The following ABR variants were observed in gnomAD, a reference collection of about 807,000 sequenced individuals.
ABR encodes the protein active breakpoint cluster region-related protein.
ABR carries 35 observed loss-of-function variants against 107.2 expected under a neutral mutation model. The observed-to-expected ratio is 0.33, with a 90% confidence interval of 0.25 to 0.43. The LOEUF is 0.43. ABR is among the 20% of genes least tolerant of loss of function. ABR has a pLI of 1.00. For missense variants in ABR, 815 were observed against 1,115.2 expected (o/e 0.73, Z 3.83); for synonymous variants, 498 against 462.0 (o/e 1.08, Z -1.00).
chr17:1,079,178 A>T, intron 6 of ABR, 152 bp downstream of exon 6: 2 of 1,467,830 alleles, frequency 1.4e-6, no homozygotes, highest in Non-Finnish European at 1.8e-6. Flanking sequence ...ACGCGCACTC[A>T]GCTCACACTC....
At chr17:1,036,758 C>T (rs1427619357) in intron 16 of ABR, among the ~76,000 whole-genome samples, 3 of 152,130 alleles carry the variant, frequency 2.0e-5, no homozygotes, top group Admixed American at 6.5e-5. Flanking sequence ...TGCATTCTTA[C>T]TGTGTGTTCT....
Position 1,079,313 on chromosome 17 carries a change from C to T in ABR, c.700+17G>A, listed in dbSNP as rs778719267. On this transcript the variant is annotated intron_variant, in intron 6 of 22. Coordinates refer to ENST00000302538, the MANE Select transcript of ABR (RefSeq NM_021962.5). Reference sequence around the variant, plus strand: ...ACAAAGGTAGGTGCCTGTAATCCAGCCCGCTCCCCGAGGTACCTTCCATGG... The same window carrying T: ...ACAAAGGTAGGTGCCTGTAATCCAGTCCGCTCCCCGAGGTACCTTCCATGG... The T allele has an allele frequency of 2.5e-6, 4 of 1,611,880 alleles. No homozygotes were observed. Among genetic ancestry groups the T allele is most frequent in the South Asian group, 2.2e-5 (2 of 90,616 alleles).
At chr17:1,121,370 GT>G (rs2039339653) in intron 2 of ABR, among the ~76,000 whole-genome samples, 1 of 152,268 alleles carries the variant, frequency 6.6e-6, no homozygotes, top group Non-Finnish European at 1.5e-5. Context: ...GGTCTTTGCA[GT>G]GGTAATGCTG....
At chr17:1,056,198 G>A in intron 13 of ABR, 89 bp from the exon 14 acceptor site, 6 of 1,140,700 alleles carry the variant, frequency 5.3e-6, no homozygotes, top group Non-Finnish European at 7.9e-6. Context: ...GACGGGGTAT[G>A]AGACTCAGCT....
chr17:1,119,865 G>A (rs2039268814), intron 2 of ABR, among the ~76,000 whole-genome samples: 1 of 152,198 alleles, frequency 6.6e-6, no homozygotes, highest in Non-Finnish European at 1.5e-5. Context: ...CTGGCTGCAT[G>A]GTCTTGGACA....
chr17:1,104,089 A>G (rs1273645633), intron 2 of ABR, among the ~76,000 whole-genome samples: 1 of 152,076 alleles, frequency 6.6e-6, no homozygotes, highest in East Asian at 1.9e-4. Context: ...CGAGTTCTCT[A>G]AAGAGTTCCA....
intron 16 of ABR, among the ~76,000 whole-genome samples, chr17:1,018,521 G>A (rs1338318154): frequency 2.0e-5 from 3 of 152,122 alleles, no homozygotes; most frequent in East Asian, 3.9e-4. Flanking sequence ...AGCTTCCCAC[G>A]ACTGGGTGCC....
intron 1 of ABR, chr17:1,177,967 G>A (rs561147703): frequency 1.4e-4 from 21 of 152,474 alleles, no homozygotes; most frequent in Middle Eastern, 3.4e-3. Flanking sequence ...ATGGAGCGGC[G>A]GCACCTGGCA....
intron 12 of ABR, 45 bp downstream of exon 12, chr17:1,057,925 A>G (rs987695275): frequency 6.4e-7 from 1 of 1,559,880 alleles, no homozygotes; most frequent in Non-Finnish European, 8.8e-7. Context: ...AGGCCCATCA[A>G]TGCCACGGAC....
At chr17:1,032,944 C>T (rs1449341054) in intron 16 of ABR, among the ~76,000 whole-genome samples, 2 of 152,216 alleles carry the variant, frequency 1.3e-5, no homozygotes, top group Admixed American at 1.3e-4. Context: ...GCATGTGAGC[C>T]TCACATTCTT....
chr17:1,031,870 C>A, intron 16 of ABR: 4 of 1,196,466 alleles, frequency 3.3e-6, no homozygotes, highest in Non-Finnish European at 4.1e-6. Context: ...CCCTCCCTCC[C>A]CGCGCTCCCC....
At chr17:1,094,788 G>A (rs2037289374) in intron 3 of ABR, among the ~76,000 whole-genome samples, 1 of 152,168 alleles carries the variant, frequency 6.6e-6, no homozygotes, top group Non-Finnish European at 1.5e-5. Flanking sequence ...GAGTAGCCTG[G>A]AGGGCTGCAT....
At chr17:1,064,492 A>G (rs71358528) in intron 10 of ABR, among the ~76,000 whole-genome samples, 321 of 41,762 alleles carry the variant, frequency 7.7e-3, no homozygotes, top group Middle Eastern at 0.022. Context: ...TCCTCTAGAC[A>G]CTGTTGTTAT....
rs2037121668 is a variant in ABR, at chr17:1,092,808, G to A, written c.346-958C>T. Among the ~76,000 whole-genome samples, 1 of 151,888 alleles carries A rather than the reference G, an allele frequency of 6.6e-6. No individual in the cohort carries two copies. Among genetic ancestry groups the A allele is most frequent in the Admixed American group, 6.6e-5 (1 of 15,262 alleles). On this transcript the variant is annotated intron_variant, in intron 3 of 22. Coordinates refer to ENST00000302538, the MANE Select transcript of ABR (RefSeq NM_021962.5). The surrounding 1 kb of genome is among the most constrained non-coding windows in gnomAD (Gnocchi z 4.6). ...AAGGTGTGGCAGGGAAGGGCAGGGT[G>A]GCCAGAGGGAGAGCAGCCACGTCGA...
chr17:1,178,469 C>T (rs1451488353), intron 1 of ABR, among the ~76,000 whole-genome samples: 1 of 151,166 alleles, frequency 6.6e-6, no homozygotes, highest in Admixed American at 6.6e-5. Context: ...GAGGCTGAGG[C>T]GGGAGAATCA....
chr17:1,171,804 C>CGTGT, intron 1 of ABR, among the ~76,000 whole-genome samples: 1 of 152,186 alleles, frequency 6.6e-6, no homozygotes, highest in South Asian at 2.1e-4. Context: ...GGTGGCAGCA[C>CGTGT]CTGTAATCCC....
At chr17:1,079,569 A>C (rs1279759745) in intron 5 of ABR, among the ~76,000 whole-genome samples, 179 bp from the exon 6 acceptor site, 2 of 152,034 alleles carry the variant, frequency 1.3e-5, no homozygotes, top group Non-Finnish European at 2.9e-5. Context: ...TGGGCGGATC[A>C]CCTGAGGTCG....
intron 2 of ABR, among the ~76,000 whole-genome samples, chr17:1,108,087 C>A (rs974659608): frequency 1.3e-5 from 2 of 152,264 alleles, no homozygotes; most frequent in Non-Finnish European, 2.9e-5. Flanking sequence ...GCCTAGCAGT[C>A]TGCAAACTCC....
At chr17:1,120,088 G>A (rs1033572321) in intron 2 of ABR, among the ~76,000 whole-genome samples, 1 of 152,004 alleles carries the variant, frequency 6.6e-6, no homozygotes, top group African/African-American at 2.4e-5. Flanking sequence ...TCACCTCTCC[G>A]AGCCCCAGTT....
Sources: allele counts gnomAD v4.1 joint callset (sites outside exome capture counted in the v4.1 genomes callset), GRCh38; gene constraint gnomAD v4.1.1; non-coding constraint Gnocchi (gnomAD v3.1); transcripts MANE v1.5; gene names NCBI Gene and HGNC (gene_info 2026-07-23, HGNC 2026-07-21).